The following KCMF1 variants were observed in gnomAD, a reference collection of about 807,000 sequenced individuals.
KCMF1 encodes E3 ubiquitin-protein ligase KCMF1.
KCMF1 carries 3 observed loss-of-function variants against 41.1 expected under a neutral mutation model. That is an observed-to-expected ratio of 0.07 (90% confidence interval 0.03 to 0.19). The LOEUF is 0.19. Among genes scored for constraint, KCMF1 ranks in the 10% least tolerant of loss-of-function variants. The pLI, the probability that KCMF1 is intolerant of heterozygous loss-of-function variation, is 1.00. For synonymous variants in KCMF1, 142 were observed against 164.5 expected (o/e 0.86, Z 1.04); for missense variants, 286 against 488.9 (o/e 0.58, Z 3.91).
intron 3 of KCMF1, among the ~76,000 whole-genome samples, chr2:85,041,950 G>A: frequency 6.6e-6 from 1 of 152,148 alleles, no homozygotes; most frequent in East Asian, 1.9e-4. Context: ...GGTACAGATA[G>A]TAAAAGTTAA....
intron 2 of KCMF1, among the ~76,000 whole-genome samples, chr2:85,031,864 C>T (rs1025301781): frequency 6.6e-6 from 1 of 152,076 alleles, no homozygotes; most frequent in African/African-American, 2.4e-5. Context: ...CTCAGCCTTC[C>T]GAGTAGCCCA....
chr2:85,043,879 C>G (rs984671443), intron 4 of KCMF1, among the ~76,000 whole-genome samples: 1 of 152,038 alleles, frequency 6.6e-6, no homozygotes, highest in Non-Finnish European at 1.5e-5. Context: ...TTTTAAGGAT[C>G]ATATCCCCCA....
At chr2:84,992,181 A>G (rs539917956) in intron 1 of KCMF1, among the ~76,000 whole-genome samples, 1 of 152,312 alleles carries the variant, frequency 6.6e-6, no homozygotes, top group South Asian at 2.1e-4. Context: ...ACCTCAGAGA[A>G]TGGTTGTTAT....
chr2:84,992,252 TTTTAGCTCTTTTTC>T (rs1674056735), intron 1 of KCMF1, among the ~76,000 whole-genome samples: 1 of 152,172 alleles, frequency 6.6e-6, no homozygotes, highest in African/African-American at 2.4e-5. Context: ...GCAATCATCA[TTTTAGCTCTTTTTC>T]TTTTTTTGAG....
At chr2:84,986,463 G>A (rs1445211054) in intron 1 of KCMF1, among the ~76,000 whole-genome samples, 1 of 152,146 alleles carries the variant, frequency 6.6e-6, no homozygotes, top group Non-Finnish European at 1.5e-5. Context: ...AATGTAGGAG[G>A]TAAAGTGCAG....
At chr2:85,035,585 C>T (rs1164828165) in intron 3 of KCMF1, among the ~76,000 whole-genome samples, 1 of 152,194 alleles carries the variant, frequency 6.6e-6, no homozygotes, top group Non-Finnish European at 1.5e-5. Flanking sequence ...CTCATTGTAG[C>T]ATATCGCTGA....
intron 2 of KCMF1, among the ~76,000 whole-genome samples, chr2:85,032,801 C>T (rs184464529): frequency 6.6e-5 from 10 of 152,352 alleles, no homozygotes; most frequent in Admixed American, 2.0e-4. Context: ...TAGGCGTGAG[C>T]CACCTCGCCC....
intron 1 of KCMF1, among the ~76,000 whole-genome samples, chr2:84,978,552 T>C (rs1275646400): frequency 6.6e-6 from 1 of 151,760 alleles, no homozygotes; most frequent in Non-Finnish European, 1.5e-5. Context: ...ACAATGTATT[T>C]GGGTTTTTTT....
chr2:85,015,612 A>G (rs1034971062), intron 1 of KCMF1, among the ~76,000 whole-genome samples: 1 of 152,212 alleles, frequency 6.6e-6, no homozygotes, highest in African/African-American at 2.4e-5. Context: ...TCTATACTGA[A>G]AACTTTTAGA....
chr2:85,001,219 G>A lies in KCMF1; in HGVS notation c.17-26670G>A, dbSNP rs1016964275. ...GTCACCCAGGCTGGAGTGCAGTGGC[G>A]TGATCTTGGCTCACTGAAACCTCTG... On this transcript the variant is annotated intron_variant, in intron 1 of 6. Transcript: ENST00000409785. Among the ~76,000 whole-genome samples, 4 of 151,692 alleles carry A rather than the reference G, an allele frequency of 2.6e-5. No homozygotes were observed. In the South Asian group the frequency reaches 8.3e-4, roughly 32 times the overall value.
chr2:85,016,837 C>A (rs939513073), intron 1 of KCMF1, among the ~76,000 whole-genome samples: 1 of 151,800 alleles, frequency 6.6e-6, no homozygotes, highest in African/African-American at 2.4e-5. Context: ...TTACAGGCAC[C>A]CGCCATCACA....
intron 2 of KCMF1, among the ~76,000 whole-genome samples, chr2:85,033,696 A>G (rs924525032): frequency 6.6e-6 from 1 of 152,154 alleles, no homozygotes; most frequent in African/African-American, 2.4e-5. Flanking sequence ...CACCTCCTAA[A>G]GACACCACCT....
chr2:84,994,350 C>T (rs754080482), intron 1 of KCMF1, among the ~76,000 whole-genome samples: 2 of 152,164 alleles, frequency 1.3e-5, no homozygotes, highest in Non-Finnish European at 2.9e-5. Context: ...ACTACACACA[C>T]TTGTGTGTGT....
At chr2:84,989,263 T>C (rs1015790733) in intron 1 of KCMF1, among the ~76,000 whole-genome samples, 1 of 152,158 alleles carries the variant, frequency 6.6e-6, no homozygotes, top group Non-Finnish European at 1.5e-5. Context: ...TTACCAGATA[T>C]AGTGGAAAAA....
chr2:85,009,292 G>T (rs1558574123), intron 1 of KCMF1, among the ~76,000 whole-genome samples: 1 of 152,128 alleles, frequency 6.6e-6, no homozygotes, highest in Non-Finnish European at 1.5e-5. Flanking sequence ...TGCCATGATT[G>T]TAAGTTTCCT....
In KCMF1 at chr2:85,059,295, T is replaced by G. The variant is rs1676009647; in HGVS notation, c.*5886T>G. On this transcript the variant is annotated 3_prime_UTR_variant, in exon 7 of 7. Transcript: ENST00000409785. ...ACCATGTGTGCTGACCACTCACGAT[T>G]CAGACTTACCTTGGAAAATATCACA... 2 of 152,260 alleles carry G rather than the reference T, an allele frequency of 1.3e-5. No individual in the cohort carries two copies. Among genetic ancestry groups the G allele is most frequent in the Admixed American group, 1.3e-4 (2 of 15,282 alleles). 9.4% of individuals were successfully genotyped at this position (152,260 alleles called of 1,614,324 possible).
At chr2:84,979,839 TG>T (rs1002654048) in intron 1 of KCMF1, among the ~76,000 whole-genome samples, 9 of 152,028 alleles carry the variant, frequency 5.9e-5, no homozygotes, top group Non-Finnish European at 1.0e-4. Flanking sequence ...TTTTTTTTTT[TG>T]AGACCGAGTT....
rs577834452 is a variant in KCMF1, at chr2:85,044,391, A to T, written c.426+726A>T. Among the ~76,000 whole-genome samples the T allele has an allele frequency of 5.5e-4, 83 of 150,402 alleles. No individual in the cohort carries two copies. In the East Asian group the frequency reaches 6.0e-3, roughly 11 times the overall value. The stretch of plus-strand genomic sequence containing the variant: ...TTTTCTTTTCTTTTCTTTTTTTTTT[A>T]AAAGTCGGAGTCTTGCTCTGTCAGC... On this transcript the variant is annotated intron_variant, in intron 4 of 6. Transcript: ENST00000409785.
At chr2:84,973,066 A>C (rs536377427) in intron 1 of KCMF1, among the ~76,000 whole-genome samples, 1 of 152,366 alleles carries the variant, frequency 6.6e-6, no homozygotes, top group South Asian at 2.1e-4. Context: ...GTTTATCTTA[A>C]ACTGTAGTCC....
Sources: allele counts gnomAD v4.1 joint callset (sites outside exome capture counted in the v4.1 genomes callset), GRCh38; gene constraint gnomAD v4.1.1; transcripts MANE v1.5; gene names NCBI Gene and HGNC (gene_info 2026-07-23, HGNC 2026-07-21).